Variants in WDR70 observed in about 807,000 individuals in gnomAD.
The protein encoded by WDR70 is WD repeat domain 70.
A neutral mutation model predicts 88.6 loss-of-function variants in WDR70; 53 were observed. That is an observed-to-expected ratio of 0.60 (90% CI 0.48 to 0.75). The LOEUF is 0.75. Ranked by LOEUF, WDR70 falls within the 30% of genes least tolerant of loss-of-function variation. The pLI, the probability that WDR70 is intolerant of heterozygous loss-of-function variation, is 0.00. For missense variants in WDR70, 610 were observed against 823.2 expected, an observed-to-expected ratio of 0.74 and a Z score of 3.17; for synonymous variants, 280 against 270.0, an observed-to-expected ratio of 1.04 and a Z score of -0.36.
At chr5:37,740,249 TA>T (rs1748433753) in intron 17 of WDR70, among the ~76,000 whole-genome samples, 1 of 152,242 alleles carries the variant, frequency 6.6e-6, no homozygotes, top group Admixed American at 6.5e-5. Context: ...GAAATCCATT[TA>T]AAATGTCCTA....
intron 9 of WDR70, among the ~76,000 whole-genome samples, chr5:37,559,221 C>A (rs1008944981): frequency 2.8e-4 from 42 of 152,268 alleles, no homozygotes; most frequent in Admixed American, 1.1e-3. Context: ...CGTGAGCCAC[C>A]ATGCCAGGCC....
Position 37,379,385 on chromosome 5 carries a change from C to T in WDR70, c.18C>T (p.Pro6=), listed in dbSNP as rs1194737619. The T allele has an allele frequency of 6.2e-7, 1 of 1,613,620 alleles. No individual in the cohort carries two copies. The highest frequency in any genetic ancestry group is 8.5e-7 in the Non-Finnish European group (1 of 1,179,816). The part of the protein sequence containing the change: MERSG[P]SEVTGSDASG... Reference sequence around the variant, plus strand: ...GGCCAGCCATGGAGCGCTCTGGGCCCAGCGAAGGTGGGTTTCATGAGGCGA... The same window carrying T: ...GGCCAGCCATGGAGCGCTCTGGGCCTAGCGAAGGTGGGTTTCATGAGGCGA... The change falls in exon 1 of 18, where the codon CCC becomes CCT. Residue 6 remains proline, a synonymous_variant. Transcript: ENST00000265107.
At chr5:37,742,744 A>G (rs1366820296) in intron 17 of WDR70, among the ~76,000 whole-genome samples, 1 of 152,128 alleles carries the variant, frequency 6.6e-6, no homozygotes, top group East Asian at 1.9e-4. Flanking sequence ...ATTTTTGTGT[A>G]TGGTATAAGT....
intron 10 of WDR70, among the ~76,000 whole-genome samples, chr5:37,667,798 G>A (rs1996427): frequency 0.52 from 73,803 of 141,862 alleles, 18,591 homozygotes; most frequent in Admixed American, 0.56. Flanking sequence ...TTTCTCCAGT[G>A]AGGTCCAGAG....
chr5:37,677,869 A>G (rs1746286361), intron 10 of WDR70, among the ~76,000 whole-genome samples: 1 of 152,158 alleles, frequency 6.6e-6, no homozygotes, highest in African/African-American at 2.4e-5. Context: ...GGGAGTCTAA[A>G]TCTCTTTGTA....
At chr5:37,736,626 T>TC (rs1554015901) in intron 17 of WDR70, among the ~76,000 whole-genome samples, 2 of 150,728 alleles carry the variant, frequency 1.3e-5, no homozygotes, top group African/African-American at 4.9e-5. Context: ...TTTTTTTTTT[T>TC]TCTTTTTTTT....
intron 9 of WDR70, among the ~76,000 whole-genome samples, chr5:37,581,331 TTG>T (rs1743211860): frequency 6.6e-6 from 1 of 152,192 alleles, no homozygotes; most frequent in Admixed American, 6.5e-5. Flanking sequence ...ATTAAGTGCT[TTG>T]TGTATATTTC....
At chr5:37,474,594 T>C (rs777967209) in intron 7 of WDR70, among the ~76,000 whole-genome samples, 1 of 152,204 alleles carries the variant, frequency 6.6e-6, no homozygotes, top group Non-Finnish European at 1.5e-5. Flanking sequence ...GTTCCAGGGC[T>C]ACATGTGCAG....
intron 9 of WDR70, among the ~76,000 whole-genome samples, chr5:37,532,610 G>GT (rs1287331342): frequency 6.6e-6 from 1 of 151,880 alleles, no homozygotes; most frequent in African/African-American, 2.4e-5. Context: ...TCCAGAAGTT[G>GT]TGATTGTTTT....
In WDR70 at chr5:37,631,822, G is replaced by A. The variant is rs1002804579; in HGVS notation, c.1092+26584G>A. On this transcript the variant is annotated intron_variant, in intron 10 of 17. Coordinates refer to ENST00000265107, the MANE Select transcript of WDR70 (RefSeq NM_018034.4). ...AAAGCCAGGGAATGTATATTATCAC[G>A]GGTGAAATTGTCTGTTGGAGGATCT... Among the ~76,000 whole-genome samples the A allele has an allele frequency of 3.9e-5, 6 of 152,128 alleles. No homozygotes were observed. In the South Asian group the frequency reaches 1.2e-3, roughly 32 times the overall value.
At chr5:37,466,533 C>T (rs1176774516) in intron 7 of WDR70, among the ~76,000 whole-genome samples, 1 of 151,458 alleles carries the variant, frequency 6.6e-6, no homozygotes, top group Non-Finnish European at 1.5e-5. Flanking sequence ...GGTGAAACCC[C>T]ATCTCTATTA....
At chr5:37,488,379 A>G (rs1196605388) in intron 8 of WDR70, among the ~76,000 whole-genome samples, 1 of 151,796 alleles carries the variant, frequency 6.6e-6, no homozygotes, top group Non-Finnish European at 1.5e-5. Flanking sequence ...CGATTATTTT[A>G]TTAAATAGGT....
intron 17 of WDR70, among the ~76,000 whole-genome samples, chr5:37,749,300 A>C (rs1748728867): frequency 6.6e-6 from 1 of 152,182 alleles, no homozygotes. Flanking sequence ...TGTCCTTTGC[A>C]GGGACATGGA....
chr5:37,734,109 G>C (rs870100), intron 17 of WDR70, among the ~76,000 whole-genome samples: 73,505 of 151,758 alleles, frequency 0.48, 20,503 homozygotes, highest in Non-Finnish European at 0.62. Context: ...TTATATGCAA[G>C]TAGTAAGTGT....
At chr5:37,471,508 A>G (rs6868163) in intron 7 of WDR70, among the ~76,000 whole-genome samples, 131,174 of 151,542 alleles carry the variant, frequency 0.87, 60,048 homozygotes, top group East Asian at 1. Context: ...TGGTGGATCT[A>G]GGGACTTTCG....
chr5:37,691,402 G>C (rs570814390), intron 10 of WDR70, among the ~76,000 whole-genome samples: 1 of 152,184 alleles, frequency 6.6e-6, no homozygotes, highest in Admixed American at 6.5e-5. Flanking sequence ...AATCAACAGA[G>C]TATACATTCT....
chr5:37,630,924 G>A (rs1744796776), intron 10 of WDR70, among the ~76,000 whole-genome samples: 1 of 152,164 alleles, frequency 6.6e-6, no homozygotes, highest in Non-Finnish European at 1.5e-5. Context: ...CATTTCTCCA[G>A]ATGGAGCTGA....
chr5:37,542,184 A>C (rs1741840789), intron 9 of WDR70, among the ~76,000 whole-genome samples: 1 of 152,196 alleles, frequency 6.6e-6, no homozygotes, highest in South Asian at 2.1e-4. Context: ...CTATAAGTAA[A>C]AGACATAATT....
chr5:37,470,000 A>G (rs1467667868), intron 7 of WDR70, among the ~76,000 whole-genome samples: 2 of 152,200 alleles, frequency 1.3e-5, no homozygotes, highest in African/African-American at 4.8e-5. Flanking sequence ...TGTTTCATAC[A>G]TAAAAGTTCA....
Sources: gnomAD v4.1 joint callset for allele counts (sites outside exome capture counted in the v4.1 genomes callset) on GRCh38, gnomAD v4.1.1 for gene constraint, MANE v1.5 for transcripts, NCBI Gene and HGNC (gene_info 2026-07-23, HGNC 2026-07-21) for gene names.